Variants in PRDM14 observed in about 807,000 individuals in gnomAD.
The protein encoded by PRDM14 is PR domain zinc finger protein 14.
PRDM14 carries 16 observed loss-of-function variants against 48.0 expected under a neutral mutation model. The observed-to-expected ratio is 0.33, with a 90% CI of 0.23 to 0.51. PRDM14 has a LOEUF of 0.51. PRDM14 is among the 20% of genes least tolerant of loss of function. PRDM14 has a pLI of 0.97. For synonymous variants in PRDM14, 264 were observed against 276.6 expected (o/e 0.95, Z 0.45); for missense variants, 566 against 719.6 (o/e 0.79, Z 2.44).
intron 7 of PRDM14, among the ~76,000 whole-genome samples, chr8:70,053,098 TAAAAAA>T (rs71275048): frequency 1.2e-5 from 1 of 82,170 alleles, no homozygotes; most frequent in East Asian, 4.3e-4. Flanking sequence ...ACCCTCTCTT[TAAAAAA>T]AAAAAAAAAA....
rs558624966 is a variant in PRDM14, at chr8:70,058,696, G to A, written c.1330C>T (p.Arg444Trp). 9 of 1,614,082 alleles carry A rather than the reference G, an allele frequency of 5.6e-6. No individual in the cohort carries two copies. The East Asian group carries it at 8.9e-5, about 16-fold the overall frequency. Reference sequence around the variant, plus strand: ...AGAATGTGGATCCGAAGCCGGTCCCGCTTCTCAAAGGATCGTTTGCAGAGA... The same window carrying A: ...AGAATGTGGATCCGAAGCCGGTCCCACTTCTCAAAGGATCGTTTGCAGAGA... ...CSLCKRSFEKRDRLRIHILHV... is the reference protein window; with the variant it reads ...CSLCKRSFEKWDRLRIHILHV... Residue 444 changes from arginine (R) to tryptophan (W), a missense_variant, in exon 6 of 8, where the codon CGG becomes TGG. Arg to Trp is a moderately radical substitution (Grantham distance 101). Transcript: ENST00000276594.
chr8:70,069,620 C>G lies in PRDM14; in HGVS notation c.241G>C (p.Gly81Arg). The change falls in exon 2 of 8, where the codon GGT becomes CGT. Residue 81 changes from glycine to arginine, a missense_variant. Around this residue, in one of 3 missense-constraint regions of PRDM14, gnomAD observed 410 missense variants for 424.6 expected, o/e 0.97. Coordinates refer to ENST00000276594, the MANE Select transcript of PRDM14 (RefSeq NM_024504.4). ...AGAGGCTCCCTCTGTAGGCCCAGACCCGGGCTCAGCAAGGGAGGCGCCATC... is the reference window on the plus strand; with the variant it reads ...AGAGGCTCCCTCTGTAGGCCCAGACGCGGGCTCAGCAAGGGAGGCGCCATC... ...FRMAPPLLSP[G>R]LGLQREPLYD... is the part of the protein sequence containing the mutation. 1 of 1,577,940 alleles carries G rather than the reference C, an allele frequency of 6.3e-7. No homozygotes were observed. Among genetic ancestry groups the G allele is most frequent in the Non-Finnish European group, 8.6e-7 (1 of 1,162,312 alleles).
At chr8:70,064,923 G>C (rs565373111) in intron 5 of PRDM14, among the ~76,000 whole-genome samples, 55 of 144,470 alleles carry the variant, frequency 3.8e-4, no homozygotes, top group African/African-American at 1.3e-3. Context: ...GTCTTACTCT[G>C]TTGCCCAGGC....
intron 5 of PRDM14, among the ~76,000 whole-genome samples, chr8:70,066,013 A>G (rs1805661213): frequency 6.6e-6 from 1 of 152,184 alleles, no homozygotes; most frequent in Admixed American, 6.5e-5. Flanking sequence ...GTCTTTATAA[A>G]TAGGAGTATA....
At chr8:70,055,798 G>A (rs546423818) in intron 6 of PRDM14, among the ~76,000 whole-genome samples, 21 of 152,232 alleles carry the variant, frequency 1.4e-4, no homozygotes, top group African/African-American at 4.6e-4. Flanking sequence ...CACGGCACCC[G>A]ACCTGAGAGA....
intron 5 of PRDM14, among the ~76,000 whole-genome samples, chr8:70,065,280 G>A (rs1805649230): frequency 6.6e-6 from 1 of 152,064 alleles, no homozygotes; most frequent in Non-Finnish European, 1.5e-5. Context: ...TGAGATTACA[G>A]GTGTGAGCCA....
chr8:70,054,328 GT>G (rs1472699066), intron 7 of PRDM14, among the ~76,000 whole-genome samples: 1 of 152,118 alleles, frequency 6.6e-6, no homozygotes, highest in Non-Finnish European at 1.5e-5. Flanking sequence ...GCCAGGCACT[GT>G]TACAAGAGTT....
rs530591154 is a variant in PRDM14 at position 70,060,587 on chromosome 8, A to G, written c.1184-1745T>C. Among the ~76,000 whole-genome samples the G allele has an allele frequency of 2.0e-5, 3 of 152,290 alleles. No individual in the cohort carries two copies. The East Asian group carries it at 5.8e-4, about 29-fold the overall frequency. On this transcript the variant is annotated intron_variant, in intron 5 of 7. Transcript: ENST00000276594. The stretch of plus-strand genomic sequence containing the variant: ...GCTTCAAACAAAGTCTACATGTTGT[A>G]TATGGTTGCTATGTCTCTTAAATAT...
In PRDM14 at chr8:70,052,240, T is replaced by C. The variant is rs1464733693; in HGVS notation, c.1553A>G (p.Lys518Arg). 2 of 1,614,202 alleles carry C rather than the reference T, an allele frequency of 1.2e-6. No homozygotes were observed. Among genetic ancestry groups the C allele is most frequent in the Admixed American group, 3.3e-5 (2 of 60,026 alleles). ...AAAAGATTTACCACAGTACTTGCAT[T>C]TGAAGGGCTTCTCCCCGGAGTGCTG... ...IRQHSGEKPF[K>R]CKYCGKSFAS... is the part of the protein sequence containing the mutation. Residue 518 changes from lysine to arginine, a missense_variant, in exon 8 of 8, where the codon AAA (lysine) becomes AGA (arginine). By Grantham distance (26) the Lys-to-Arg change is conservative. Around this residue, in one of 3 missense-constraint regions of PRDM14, gnomAD observed 126 missense variants for 271.6 expected, o/e 0.46. Coordinates refer to ENST00000276594, the MANE Select transcript of PRDM14 (RefSeq NM_024504.4).
intron 6 of PRDM14, among the ~76,000 whole-genome samples, chr8:70,056,816 C>CAAAAAAAA (rs761330044): frequency 1.3e-5 from 1 of 75,394 alleles, no homozygotes; most frequent in African/African-American, 5.0e-5. Context: ...GAGACTGTCT[C>CAAAAAAAA]AAAAAAAAAA....
chr8:70,056,368 A>G (rs1254295177), intron 6 of PRDM14, among the ~76,000 whole-genome samples: 1 of 152,200 alleles, frequency 6.6e-6, no homozygotes, highest in East Asian at 1.9e-4. Context: ...AATTACACTA[A>G]CTAAAGAGAA....
intron 5 of PRDM14, among the ~76,000 whole-genome samples, chr8:70,063,529 C>A (rs370932842): frequency 1.7e-3 from 264 of 152,004 alleles, no homozygotes; most frequent in African/African-American, 6.3e-3. Flanking sequence ...TTCTTTCTTT[C>A]ATTTTTCTTT....
intron 2 of PRDM14, among the ~76,000 whole-genome samples, 163 bp from the exon 3 acceptor site, chr8:70,068,695 C>A (rs1051431367): frequency 6.6e-6 from 1 of 152,164 alleles, no homozygotes; most frequent in African/African-American, 2.4e-5. Flanking sequence ...TCTGTTCATA[C>A]ACGATTTCAC....
In PRDM14 at chr8:70,069,621, C is replaced by A. The variant is rs1216284463; in HGVS notation, c.240G>T (p.Pro80=). ...GAGGCTCCCTCTGTAGGCCCAGACC[C>A]GGGCTCAGCAAGGGAGGCGCCATCC... ...PFRMAPPLLS[P]GLGLQREPLY... The change falls in exon 2 of 8, where the codon CCG becomes CCT. Residue 80 remains proline, a synonymous_variant. Coordinates refer to ENST00000276594, the MANE Select transcript of PRDM14 (RefSeq NM_024504.4). 2 of 1,577,742 alleles carry A rather than the reference C, an allele frequency of 1.3e-6. No individual in the cohort carries two copies. The highest frequency in any genetic ancestry group is 2.3e-5 in the East Asian group (1 of 42,866).
Position 70,052,320 on chromosome 8 carries a change from A to G in PRDM14, c.1489-16T>C. ...CTGTGAACCTCTGCAGAGAACAGAA[A>G]TACAGAACACAAGAAAAAGTCAACT... On this transcript the variant is annotated splice_polypyrimidine_tract_variant and intron_variant, in intron 7 of 7. Transcript: ENST00000276594. The G allele has an allele frequency of 6.3e-7, 1 of 1,577,634 alleles. No homozygotes were observed. The highest frequency in any genetic ancestry group is 1.1e-5 in the South Asian group (1 of 88,714).
rs543095680 is a variant in PRDM14, at chr8:70,070,309, G to A, written c.-24-425C>T. Among the ~76,000 whole-genome samples the A allele has an allele frequency of 2.0e-4, 30 of 152,290 alleles. No homozygotes were observed. In the South Asian group the frequency reaches 6.0e-3, roughly 31 times the overall value. ...TGGTAGGGTCTGTGGGAGCCGCGGG[G>A]CCCTGCCAACCTCGGGGCTGGGCCG... is the stretch of plus-strand genomic sequence containing the variant. On this transcript the variant is annotated intron_variant, in intron 1 of 7. Coordinates refer to ENST00000276594, the MANE Select transcript of PRDM14 (RefSeq NM_024504.4).
intron 5 of PRDM14, among the ~76,000 whole-genome samples, chr8:70,062,799 A>T (rs1301601689): frequency 6.6e-6 from 1 of 152,168 alleles, no homozygotes; most frequent in Admixed American, 6.5e-5. Context: ...TATTTTAAAT[A>T]ATTTTGTGCA....
rs910459254 is a variant in PRDM14 at position 70,058,940 on chromosome 8, C to A, written c.1184-98G>T. ...ATTTATTTATTTTTAGCCAAGAATT[C>A]TTTGGCTACTTCAAGAGGAATTTTC... On this transcript the variant is annotated intron_variant, in intron 5 of 7. Coordinates refer to ENST00000276594, the MANE Select transcript of PRDM14 (RefSeq NM_024504.4). The A allele has an allele frequency of 6.7e-6, 7 of 1,049,200 alleles. No homozygotes were observed. The East Asian group carries it at 7.9e-5, about 12-fold the overall frequency. 65.0% of individuals were successfully genotyped at this position (1,049,200 alleles called of 1,614,324 possible).
chr8:70,059,430 C>A (rs1805538944), intron 5 of PRDM14, among the ~76,000 whole-genome samples: 1 of 151,956 alleles, frequency 6.6e-6, no homozygotes, highest in Admixed American at 6.6e-5. Context: ...CACCACCACG[C>A]CCAGCTAATT....
Sources: gnomAD v4.1 joint callset for allele counts (sites outside exome capture counted in the v4.1 genomes callset) on GRCh38, gnomAD v4.1.1 for gene constraint, gnomAD v4.1.1 regional missense constraint, MANE v1.5 for transcripts, NCBI Gene and HGNC (gene_info 2026-07-23, HGNC 2026-07-21) for gene names.